Variants in MAVS observed in about 807,000 individuals in gnomAD.
The protein encoded by MAVS is mitochondrial antiviral signaling protein, also known as mitochondrial antiviral-signaling protein.
MAVS carries 20 observed loss-of-function variants against 30.2 expected under a neutral mutation model. The observed-to-expected ratio is 0.66, with a 90% CI of 0.47 to 0.96. The LOEUF is 0.96. MAVS is among the 40% of genes least tolerant of loss of function. The pLI, the probability that MAVS is intolerant of heterozygous loss-of-function variation, is 0.00. For missense variants in MAVS, 624 were observed against 701.1 expected (o/e 0.89, Z 1.24); for synonymous variants, 278 against 293.9 (o/e 0.95, Z 0.55).
At position 3,865,045 on chromosome 20, in the gene MAVS, G is replaced by A. The variant is rs964951452; in HGVS notation, c.1158+257G>A. Among the ~76,000 whole-genome samples the A allele has an allele frequency of 6.6e-5, 10 of 152,244 alleles. No individual in the cohort carries two copies. The highest frequency in any genetic ancestry group is 1.3e-4 in the Non-Finnish European group (9 of 68,040). On this transcript the variant is annotated intron_variant, in intron 6 of 6. Transcript: ENST00000428216. This position sits in a 1 kb window ranked among gnomAD's most constrained non-coding sequence, Gnocchi z 4.7. ...GGTCAGCCACAGGGGGCACCCACTG[G>A]TCAGGTGTATAAGTTCATTTAGGGC...
intron 2 of MAVS, among the ~76,000 whole-genome samples, chr20:3,856,085 C>T (rs990796733): frequency 1.3e-5 from 2 of 149,458 alleles, no homozygotes; most frequent in African/African-American, 5.0e-5. Context: ...GACGGAGTCT[C>T]ACTCTGTCGC....
intron 3 of MAVS, among the ~76,000 whole-genome samples, chr20:3,859,525 A>T: frequency 7.0e-6 from 1 of 142,252 alleles, no homozygotes; most frequent in Non-Finnish European, 1.5e-5. Context: ...AAAAAACCCA[A>T]AAATAGTGAT....
chr20:3,862,088 GT>G (rs537197730), intron 4 of MAVS, among the ~76,000 whole-genome samples, 165 bp from the exon 5 acceptor site: 2 of 152,296 alleles, frequency 1.3e-5, no homozygotes, highest in East Asian at 3.9e-4. Context: ...AAGGACACCT[GT>G]GGACAGAGGG....
Position 3,866,623 on chromosome 20 carries a change from G to C in MAVS, c.*476G>C. ...CTCCCATCCTGGCAGCCCAGCCTGA[G>C]ACCGTTGCATTGAGGCAGGCAGGAG... On this transcript the variant is annotated 3_prime_UTR_variant, in exon 7 of 7. Transcript: ENST00000428216. 1 of 354,480 alleles carries C rather than the reference G, an allele frequency of 2.8e-6. No individual in the cohort carries two copies. The highest frequency in any genetic ancestry group is 5.6e-6 in the Non-Finnish European group (1 of 180,088). 22.0% of individuals were successfully genotyped at this position (354,480 alleles called of 1,614,324 possible). A position where few individuals can be genotyped will look rare whatever the true frequency, so the allele number is the denominator to read the frequency against.
At position 3,854,629 on chromosome 20, in the gene MAVS, C is replaced by T. The variant is rs201109202; in HGVS notation, c.5C>T (p.Pro2Leu). ...CTCTCCAGAATCTGAGCAGCAATGC[C>T]GTTTGCTGAAGACAAGACCTATAAG... M[P>L]FAEDKTYKYI... The change falls in exon 2 of 7, where the codon CCG becomes CTG. Residue 2 changes from proline (P) to leucine (L), a missense_variant. Pro to Leu is a moderately conservative substitution (Grantham distance 98). Transcript: ENST00000428216. The T allele has an allele frequency of 1.2e-5, 19 of 1,610,958 alleles. No individual in the cohort carries two copies. Among genetic ancestry groups the T allele is most frequent in the Non-Finnish European group, 1.2e-5 (14 of 1,177,702 alleles).
rs372303376 is a variant in MAVS at position 3,859,877 on chromosome 20, T to C, written c.293-1455T>C. On this transcript the variant is annotated intron_variant, in intron 3 of 6. Transcript: ENST00000428216. ...TGTCGCCCAGGCTGGAGTGCAGTGGTGCCATCTCAGCTCACTGCAAGCTCC... is the reference window on the plus strand; with the variant it reads ...TGTCGCCCAGGCTGGAGTGCAGTGGCGCCATCTCAGCTCACTGCAAGCTCC... 5.1e-3 allele frequency among the ~76,000 whole-genome samples: 750 copies of C among 147,426 alleles called. 3 individuals are homozygous for C. The highest frequency in any genetic ancestry group is 5.8e-3 in the Non-Finnish European group (383 of 66,454).
In MAVS at chr20:3,864,502, C is replaced by G. The variant is rs550811962; in HGVS notation, c.872C>G (p.Ala291Gly). ...IICSSGAEAP[A>G]NSLPSKVPTT... is the part of the protein sequence containing the mutation. ...TGCTCCAGTGGGGCAGAGGCACCTGCCAACTCTCTGCCCTCCAAAGTGCCT... is the reference window on the plus strand; with the variant it reads ...TGCTCCAGTGGGGCAGAGGCACCTGGCAACTCTCTGCCCTCCAAAGTGCCT... The change falls in exon 6 of 7, where the codon GCC becomes GGC. Residue 291 changes from alanine to glycine, a missense_variant. Physicochemically the swap from Ala to Gly is moderately conservative, Grantham distance 60. Coordinates refer to ENST00000428216, the MANE Select transcript of MAVS (RefSeq NM_020746.5). The G allele has an allele frequency of 6.2e-7, 1 of 1,614,056 alleles. No homozygotes were observed. The highest frequency in any genetic ancestry group is 1.1e-5 in the South Asian group (1 of 91,084).
Position 3,869,906 on chromosome 20 carries a change from T to A in MAVS, c.*3759T>A, listed in dbSNP as rs1014513103. The A allele has an allele frequency of 6.6e-6, 1 of 152,194 alleles. No homozygotes were observed. Among genetic ancestry groups the A allele is most frequent in the African/African-American group, 2.4e-5 (1 of 41,440 alleles). The allele number at this position is 152,194 out of a possible 1,614,324, so 9.4% of individuals were successfully genotyped here. A position where few individuals can be genotyped will look rare whatever the true frequency, so the allele number is the denominator to read the frequency against. ...GGAGTGAGCCACTGCGCCTGGCTGA[T>A]CCCAGCACTTTTCAAATGATGCCGC... On this transcript the variant is annotated 3_prime_UTR_variant, in exon 7 of 7. Coordinates refer to ENST00000428216, the MANE Select transcript of MAVS (RefSeq NM_020746.5).
intron 1 of MAVS, among the ~76,000 whole-genome samples, chr20:3,853,485 C>CAA (rs113226800): frequency 0.015 from 1,920 of 127,942 alleles, 72 homozygotes; most frequent in East Asian, 0.13. Flanking sequence ...GACTCCGTCT[C>CAA]AAAAAAAAAA....
Position 3,854,650 on chromosome 20 carries a change from A to C in MAVS, c.26A>C (p.Tyr9Ser), listed in dbSNP as rs749871584. The C allele has an allele frequency of 6.2e-7, 1 of 1,613,708 alleles. No homozygotes were observed. Among genetic ancestry groups the C allele is most frequent in the Non-Finnish European group, 8.5e-7 (1 of 1,179,802 alleles). The stretch of plus-strand genomic sequence containing the variant: ...ATGCCGTTTGCTGAAGACAAGACCT[A>C]TAAGTATATCTGCCGCAATTTCAGC... MPFAEDKTYKYICRNFSNF... is the reference protein window; with the variant it reads MPFAEDKTSKYICRNFSNF... The change falls in exon 2 of 7, where the codon TAT becomes TCT. Residue 9 changes from tyrosine to serine, a missense_variant. Coordinates refer to ENST00000428216, the MANE Select transcript of MAVS (RefSeq NM_020746.5).
chr20:3,866,289 G>A lies in MAVS; in HGVS notation c.*142G>A. 2.5e-6 allele frequency: 2 copies of A among 797,550 alleles called. No individual in the cohort carries two copies. The highest frequency in any genetic ancestry group is 3.8e-5 in the South Asian group (2 of 53,062). The allele number at this position is 797,550 out of a possible 1,614,324, so 49.4% of individuals were successfully genotyped here. ...TAAGGGACTGCAGGCCTGGCAGCAG[G>A]ACATGCCTTGGCTGAACCAAGTCCT... On this transcript the variant is annotated 3_prime_UTR_variant, in exon 7 of 7. Coordinates refer to ENST00000428216, the MANE Select transcript of MAVS (RefSeq NM_020746.5).
chr20:3,850,609 A>G (rs2089751534), intron 1 of MAVS, among the ~76,000 whole-genome samples: 5 of 120,452 alleles, frequency 4.2e-5, no homozygotes, highest in African/African-American at 9.5e-5. Flanking sequence ...AAAAAAGGCC[A>G]GGCGCAGTGG....
At chr20:3,855,732 A>G (rs1274930047) in intron 2 of MAVS, among the ~76,000 whole-genome samples, 1 of 152,040 alleles carries the variant, frequency 6.6e-6, no homozygotes, top group Non-Finnish European at 1.5e-5. Flanking sequence ...GTTTATAGGG[A>G]TATCTTGTTT....
chr20:3,855,200 C>T (rs1388114284), intron 2 of MAVS, among the ~76,000 whole-genome samples: 1 of 152,052 alleles, frequency 6.6e-6, no homozygotes, highest in Non-Finnish European at 1.5e-5. Flanking sequence ...GCTTTTCTAA[C>T]TTTTGGATGG....
intron 3 of MAVS, among the ~76,000 whole-genome samples, chr20:3,858,098 T>A (rs1466347155): frequency 1.3e-5 from 2 of 152,112 alleles, no homozygotes; most frequent in African/African-American, 4.8e-5. Flanking sequence ...CGATGCGTGT[T>A]GAGTATTGAG....
chr20:3,859,073 A>G (rs951951478), intron 3 of MAVS, among the ~76,000 whole-genome samples: 1 of 151,832 alleles, frequency 6.6e-6, no homozygotes, highest in Non-Finnish European at 1.5e-5. Context: ...CATAGGTGTG[A>G]GCCACCGCGT....
At chr20:3,858,276 C>T (rs11905744) in intron 3 of MAVS, among the ~76,000 whole-genome samples, 3,129 of 152,120 alleles carry the variant, frequency 0.021, 105 homozygotes, top group African/African-American at 0.071. Flanking sequence ...GAGCCTTCGA[C>T]GCCCTCTATC....
chr20:3,865,434 A>C lies in MAVS; in HGVS notation c.1159-249A>C, dbSNP rs1398811167. The stretch of plus-strand genomic sequence containing the variant: ...GAGCCCCGCCCTACCAAAGGCTTCC[A>C]GGTGGGCATGAGCTCACAGGCAGGC... On this transcript the variant is annotated intron_variant, in intron 6 of 6. Coordinates refer to ENST00000428216, the MANE Select transcript of MAVS (RefSeq NM_020746.5). This position sits in a 1 kb window ranked among gnomAD's most constrained non-coding sequence, Gnocchi z 4.7. 6.6e-6 allele frequency among the ~76,000 whole-genome samples: 1 copy of C among 152,176 alleles called. No individual in the cohort carries two copies. The highest frequency in any genetic ancestry group is 1.5e-5 in the Non-Finnish European group (1 of 68,020).
Position 3,873,791 on chromosome 20 carries a change from C to A in MAVS, c.*7644C>A. On this transcript the variant is annotated 3_prime_UTR_variant, in exon 7 of 7. Coordinates refer to ENST00000428216, the MANE Select transcript of MAVS (RefSeq NM_020746.5). Reference sequence around the variant, plus strand: ...AATTTTTTGTTGTTTACAAATTACCCAGGCTAAGGTGTTTCATTGTAACCT... The same window carrying A: ...AATTTTTTGTTGTTTACAAATTACCAAGGCTAAGGTGTTTCATTGTAACCT... 1 of 254,502 alleles carries A rather than the reference C, an allele frequency of 3.9e-6. No individual in the cohort carries two copies. 15.8% of individuals were successfully genotyped at this position (254,502 alleles called of 1,614,324 possible).
Sources: allele counts gnomAD v4.1 joint callset (sites outside exome capture counted in the v4.1 genomes callset), GRCh38; gene constraint gnomAD v4.1.1; non-coding constraint Gnocchi (gnomAD v3.1); transcripts MANE v1.5; gene names NCBI Gene and HGNC (gene_info 2026-07-23, HGNC 2026-07-21).